The following SPEG variants were observed in gnomAD, a reference collection of about 807,000 sequenced individuals.
SPEG encodes the protein striated muscle preferentially expressed protein kinase.
In SPEG, 114 loss-of-function variants were observed where a neutral mutation model predicts 300.4. The observed-to-expected ratio is 0.38, with a 90% CI of 0.33 to 0.44. The LOEUF is 0.44. SPEG is among the 20% of genes least tolerant of loss of function. The pLI is 1.00. For missense variants in SPEG, 4,201 were observed against 4,586.2 expected (o/e 0.92, Z 2.43); for synonymous variants, 1,964 against 2,018.9 (o/e 0.97, Z 0.73).
intron 6 of SPEG, among the ~76,000 whole-genome samples, chr2:219,454,536 C>T (rs556609665): frequency 1.3e-5 from 2 of 152,218 alleles, no homozygotes; most frequent in Non-Finnish European, 2.9e-5. Flanking sequence ...TAGACTTTCC[C>T]AAGCCCTTTC....
rs1693639921 is a variant in SPEG, at chr2:219,488,404, C to T, written c.7858+94C>T. ...GCTAGGCCGGAGTGGGGACTGAGCA[C>T]GGTTAGGGGGGATGCTGGAGTGGGG... On this transcript the variant is annotated intron_variant, in intron 32 of 40. Coordinates refer to ENST00000312358, the MANE Select transcript of SPEG (RefSeq NM_005876.5). 2.9e-5 allele frequency: 43 copies of T among 1,498,350 alleles called. 1 individual carries two copies. Among genetic ancestry groups the T allele is most frequent in the East Asian group, 4.6e-5 (2 of 43,918 alleles). The allele number at this position is 1,498,350 out of a possible 1,614,324, so 92.8% of individuals were successfully genotyped here. A position where few individuals can be genotyped will look rare whatever the true frequency, so the allele number is the denominator to read the frequency against.
intron 9 of SPEG, chr2:219,465,572 G>A (rs1185224509): frequency 5.3e-6 from 1 of 189,058 alleles, no homozygotes; most frequent in Non-Finnish European, 1.1e-5. Flanking sequence ...TCTTTCTCTT[G>A]GGGATTCCTT....
Position 219,439,396 on chromosome 2 carries a change from C to T in SPEG, c.388+4031C>T, listed in dbSNP as rs1954801303. ...GGGGAGACAGACAATACACAATAAA[C>T]ATAGTAAATAGGTAAATTACACAGT... On this transcript the variant is annotated intron_variant, in intron 1 of 40. Coordinates refer to ENST00000312358, the MANE Select transcript of SPEG (RefSeq NM_005876.5). The surrounding 1 kb of genome is among the most constrained non-coding windows in gnomAD (Gnocchi z 4.5). Among the ~76,000 whole-genome samples the T allele has an allele frequency of 6.6e-6, 1 of 152,054 alleles. No individual in the cohort carries two copies. The highest frequency in any genetic ancestry group is 2.4e-5 in the African/African-American group (1 of 41,390).
chr2:219,461,811 G>A (rs1200936539), intron 6 of SPEG, 71 bp from the exon 7 acceptor site: 8 of 1,509,744 alleles, frequency 5.3e-6, no homozygotes, highest in Non-Finnish European at 6.4e-6. Context: ...GGCTCTGGGC[G>A]ACATTCCAGC....
At chr2:219,470,694 A>T (rs1691794496) in intron 13 of SPEG, among the ~76,000 whole-genome samples, 1 of 152,196 alleles carries the variant, frequency 6.6e-6, no homozygotes, top group South Asian at 2.1e-4. Context: ...TCTTCGCCAG[A>T]GACAGCCTCC....
Position 219,451,053 on chromosome 2 carries a change from A to T in SPEG, c.2114-83A>T. On this transcript the variant is annotated intron_variant, in intron 4 of 40. Transcript: ENST00000312358. This position sits in a 1 kb window ranked among gnomAD's most constrained non-coding sequence, Gnocchi z 6.4. ...CTCTGTCTGGGTTTGGCTTTCTAGGATGCAGGCCACCAGGACTCTCTCTCC... is the reference window on the plus strand; with the variant it reads ...CTCTGTCTGGGTTTGGCTTTCTAGGTTGCAGGCCACCAGGACTCTCTCTCC... The T allele has an allele frequency of 7.1e-7, 1 of 1,405,772 alleles. No homozygotes were observed. The highest frequency in any genetic ancestry group is 9.4e-7 in the Non-Finnish European group (1 of 1,063,000). The allele number at this position is 1,405,772 out of a possible 1,614,324, so 87.1% of individuals were successfully genotyped here. A position where few individuals can be genotyped will look rare whatever the true frequency, so the allele number is the denominator to read the frequency against.
In SPEG at chr2:219,484,880, A is replaced by G. The variant is rs1369821011; in HGVS notation, c.7417A>G (p.Ser2473Gly). The G allele has an allele frequency of 2.0e-6, 3 of 1,525,214 alleles. No individual in the cohort carries two copies. The highest frequency in any genetic ancestry group is 8.7e-7 in the Non-Finnish European group (1 of 1,143,644). The allele number at this position is 1,525,214 out of a possible 1,614,324, so 94.5% of individuals were successfully genotyped here. ...GTCCAGCCGATTGCAGCGCAGTGGC[A>G]GCAGCGAGGACTCGGGGGGCGCGTC... Reference protein sequence around the residue: ...RLSSRLQRSGSSEDSGGASGR... With the variant: ...RLSSRLQRSGGSEDSGGASGR... The change falls in exon 30 of 41, where the codon AGC becomes GGC. Residue 2473 changes from serine to glycine, a missense_variant. Coordinates refer to ENST00000312358, the MANE Select transcript of SPEG (RefSeq NM_005876.5).
intron 6 of SPEG, chr2:219,461,237 T>C: frequency 1.0e-6 from 1 of 986,378 alleles, no homozygotes; most frequent in Non-Finnish European, 1.2e-6. Flanking sequence ...GGTGGATGAC[T>C]CCAGCTCTGC....
In SPEG at chr2:219,451,649, C is replaced by T. The variant is rs760774131; in HGVS notation, c.2282C>T (p.Ala761Val). ...PQVSWHKDGS[A>V]LRSEGRLLLR... is the part of the protein sequence containing the mutation. ...GTGTCCTGGCACAAGGATGGGTCAG[C>T]GCTGCGCAGCGAGGGCCGCCTCCTC... The change falls in exon 6 of 41, where the codon GCG becomes GTG. Residue 761 changes from alanine to valine, a missense_variant. Coordinates refer to ENST00000312358, the MANE Select transcript of SPEG (RefSeq NM_005876.5). The surrounding 1 kb of genome is among the most constrained non-coding windows in gnomAD (Gnocchi z 6.4). The T allele has an allele frequency of 1.0e-5, 16 of 1,584,420 alleles. No individual in the cohort carries two copies. Among genetic ancestry groups the T allele is most frequent in the African/African-American group, 4.0e-5 (3 of 74,524 alleles).
Position 219,479,823 on chromosome 2 carries a change from A to G in SPEG, c.5126A>G (p.Tyr1709Cys). 1 of 1,613,974 alleles carries G rather than the reference A, an allele frequency of 6.2e-7. No homozygotes were observed. Among genetic ancestry groups the G allele is most frequent in the Non-Finnish European group, 8.5e-7 (1 of 1,179,980 alleles). Residue 1709 changes from tyrosine to cysteine, a missense_variant, in exon 24 of 41, where the codon TAC becomes TGC. Physicochemically the swap from Tyr to Cys is radical, Grantham distance 194 (BLOSUM62 -2). This residue lies in a region of SPEG where 1,047 missense variants were observed against 1,356.8 expected (regional missense o/e 0.77). Transcript: ENST00000312358. This position sits in a 1 kb window ranked among gnomAD's most constrained non-coding sequence, Gnocchi z 5.5. ...CGGCAGGTGCTAGAGGGAATACACT[A>G]CCTGCACCAGAGCCACGTGCTGCAC... is the stretch of plus-strand genomic sequence containing the variant. The part of the protein sequence containing the change: ...YMRQVLEGIH[Y>C]LHQSHVLHLD...
chr2:219,434,887 G>GC lies in SPEG; in HGVS notation c.-85dup. ...CGGGCAGCAGGAAGGCAGGCCGCCG[G>GC]CCCCCCAGACTTGTCTCCTAGGGCA... On this transcript the variant is annotated 5_prime_UTR_variant, in exon 1 of 41. Transcript: ENST00000312358. 1 of 852,630 alleles carries GC rather than the reference G, an allele frequency of 1.2e-6. No individual in the cohort carries two copies. The highest frequency in any genetic ancestry group is 1.7e-6 in the Non-Finnish European group (1 of 592,448). 52.8% of individuals were successfully genotyped at this position (852,630 alleles called of 1,614,324 possible).
At position 219,480,692 on chromosome 2, in the gene SPEG, C is replaced by T. The variant is rs778764827; in HGVS notation, c.5364C>T (p.Phe1788=). 11 of 1,613,810 alleles carry T rather than the reference C, an allele frequency of 6.8e-6. No homozygotes were observed. In the African/African-American group the frequency reaches 1.2e-4, roughly 18 times the overall value. ...TDIWPVGVVA[F]LCLTGISPFV... Reference sequence around the variant, plus strand: ...ACAGGCCTGTGGGTGTTGTTGCCTTCCTCTGGTAAGGACCCCTCTGCAATG... The same window carrying T: ...ACAGGCCTGTGGGTGTTGTTGCCTTTCTCTGGTAAGGACCCCTCTGCAATG... The change falls in exon 26 of 41, where the codon TTC becomes TTT. Residue 1788 remains phenylalanine, a synonymous_variant. Transcript: ENST00000312358. This position sits in a 1 kb window ranked among gnomAD's most constrained non-coding sequence, Gnocchi z 5.3.
rs778918190 is a variant in SPEG at position 219,484,463 on chromosome 2, G to A, written c.7000G>A (p.Glu2334Lys). Residue 2334 changes from glutamate to lysine, a missense_variant, in exon 30 of 41, where the codon GAG becomes AAG. Physicochemically the swap from Glu to Lys is moderately conservative, Grantham distance 56 (BLOSUM62 1). This residue lies in a region of SPEG where 1,578 missense variants were observed against 1,506.0 expected (regional missense o/e 1.05). Coordinates refer to ENST00000312358, the MANE Select transcript of SPEG (RefSeq NM_005876.5). ...AAACTTGGAGTCGGAGGCCGTGTTC[G>A]AGGCCAAGTTCAAGCGCAGCCGCGA... ...IENLESEAVF[E>K]AKFKRSRESP... 1.2e-6 allele frequency: 2 copies of A among 1,611,104 alleles called. No individual in the cohort carries two copies. Among genetic ancestry groups the A allele is most frequent in the East Asian group, 2.2e-5 (1 of 44,846 alleles).
chr2:219,463,265 A>C (rs1386870821), intron 8 of SPEG, among the ~76,000 whole-genome samples: 3 of 151,976 alleles, frequency 2.0e-5, no homozygotes, highest in African/African-American at 7.3e-5. Flanking sequence ...CCCCGAGTTA[A>C]ATGTGGGTCT....
intron 9 of SPEG, 133 bp from the exon 10 acceptor site, chr2:219,467,041 T>C: frequency 7.9e-7 from 1 of 1,259,468 alleles, no homozygotes; most frequent in Non-Finnish European, 1.1e-6. Flanking sequence ...TGGGTGGGCT[T>C]TCCCCATCTC....
chr2:219,461,752 G>A, intron 6 of SPEG, 130 bp from the exon 7 acceptor site: 1 of 1,031,602 alleles, frequency 9.7e-7, no homozygotes, highest in South Asian at 1.4e-5. Context: ...AGGAGCCTGG[G>A]GGTGAAGTCA....
intron 9 of SPEG, chr2:219,465,657 AC>A (rs1426473513): frequency 6.9e-6 from 2 of 291,936 alleles, no homozygotes; most frequent in Non-Finnish European, 1.3e-5. Flanking sequence ...CTGCCCAGGA[AC>A]CCCGAGGAAC....
intron 8 of SPEG, among the ~76,000 whole-genome samples, chr2:219,463,197 A>C (rs953996667): frequency 4.6e-5 from 7 of 151,816 alleles, no homozygotes; most frequent in African/African-American, 1.7e-4. Flanking sequence ...CAATATAGCA[A>C]GACCCTATTG....
chr2:219,483,121 C>G lies in SPEG; in HGVS notation c.5658C>G (p.Cys1886Trp). 2 of 1,608,008 alleles carry G rather than the reference C, an allele frequency of 1.2e-6. No individual in the cohort carries two copies. Among genetic ancestry groups the G allele is most frequent in the Non-Finnish European group, 1.7e-6 (2 of 1,179,360 alleles). ...AGCGCTCCCAGATCAGCTACAAATGCCACCTGGTGCTGCGCCCCATCCCCG... is the reference window on the plus strand; with the variant it reads ...AGCGCTCCCAGATCAGCTACAAATGGCACCTGGTGCTGCGCCCCATCCCCG... ...RWQRSQISYK[C>W]HLVLRPIPEL... Residue 1886 changes from cysteine to tryptophan, a missense_variant, in exon 30 of 41, where the codon TGC becomes TGG. Physicochemically the swap from Cys to Trp is radical, Grantham distance 215. Coordinates refer to ENST00000312358, the MANE Select transcript of SPEG (RefSeq NM_005876.5).
Sources: gnomAD v4.1 joint callset for allele counts (sites outside exome capture counted in the v4.1 genomes callset) on GRCh38, gnomAD v4.1.1 for gene constraint, gnomAD v4.1.1 regional missense constraint, Gnocchi (gnomAD v3.1) non-coding constraint, MANE v1.5 for transcripts, NCBI Gene and HGNC (gene_info 2026-07-23, HGNC 2026-07-21) for gene names.